ENTREP2: variants seen among roughly 807,000 people sequenced by gnomAD.
The protein encoded by ENTREP2 is protein ENTREP2.
chr15:29,586,717 C>G, the ENTREP2 span, among the ~76,000 whole-genome samples: 1 of 151,144 alleles, frequency 6.6e-6, no homozygotes, highest in African/African-American at 2.4e-5. Flanking sequence ...CCACTGCACT[C>G]CAGCCTGGGC....
the ENTREP2 span, among the ~76,000 whole-genome samples, chr15:29,500,161 T>C: frequency 1.3e-5 from 2 of 152,116 alleles, no homozygotes; most frequent in Non-Finnish European, 2.9e-5. Flanking sequence ...AGTTGGAGAA[T>C]TAAATACCTC....
the ENTREP2 span, chr15:29,128,885 C>A: frequency 6.5e-7 from 1 of 1,538,718 alleles, no homozygotes; most frequent in Middle Eastern, 1.7e-4. Flanking sequence ...AAACAGAAAG[C>A]GTCAAGGCGG....
chr15:29,446,751 C>G, the ENTREP2 span, among the ~76,000 whole-genome samples: 1 of 152,242 alleles, frequency 6.6e-6, no homozygotes, highest in Non-Finnish European at 1.5e-5. Context: ...TGTGGAGACT[C>G]TAGGGCTGAA....
chr15:29,479,194 G>C, the ENTREP2 span, among the ~76,000 whole-genome samples: 8 of 122,592 alleles, frequency 6.5e-5, no homozygotes, highest in African/African-American at 2.6e-4. Flanking sequence ...GTGACAGAGC[G>C]AGGCTCTGTC....
chr15:29,437,636 A>C, the ENTREP2 span, among the ~76,000 whole-genome samples: 1 of 152,166 alleles, frequency 6.6e-6, no homozygotes, highest in African/African-American at 2.4e-5. Flanking sequence ...TATTTGAAAC[A>C]GTGTCTCAGC....
At chr15:29,347,786 G>A in the ENTREP2 span, among the ~76,000 whole-genome samples, 1 of 152,162 alleles carries the variant, frequency 6.6e-6, no homozygotes, top group Non-Finnish European at 1.5e-5. Flanking sequence ...ACGCAGGCTC[G>A]CCAACACAGC....
At chr15:29,507,554 A>T in the ENTREP2 span, among the ~76,000 whole-genome samples, 66,104 of 151,830 alleles carry the variant, frequency 0.44, 14,910 homozygotes, top group African/African-American at 0.56. Context: ...CATAACGGTC[A>T]CTCAGACCAC....
the ENTREP2 span, among the ~76,000 whole-genome samples, chr15:29,348,137 T>C: frequency 6.6e-6 from 1 of 152,360 alleles, no homozygotes; most frequent in East Asian, 1.9e-4. Flanking sequence ...TTTTAAGTGC[T>C]GAATCCTGAA....
the ENTREP2 span, among the ~76,000 whole-genome samples, chr15:29,615,375 C>T: frequency 1.6e-4 from 24 of 152,004 alleles, no homozygotes; most frequent in Admixed American, 7.9e-4. Context: ...AGTCTGGTCT[C>T]GAACTCCTGA....
chr15:29,515,767 A>T, the ENTREP2 span, among the ~76,000 whole-genome samples: 1 of 152,350 alleles, frequency 6.6e-6, no homozygotes, highest in Admixed American at 6.5e-5. Flanking sequence ...CACTTTAATG[A>T]GCAGCCCAGG....
chr15:29,562,152 G>A, the ENTREP2 span, among the ~76,000 whole-genome samples: 1 of 152,210 alleles, frequency 6.6e-6, no homozygotes, highest in African/African-American at 2.4e-5. Context: ...TGTGGAAAAC[G>A]TGAAACAGAG....
At chr15:29,310,505 C>G in the ENTREP2 span, among the ~76,000 whole-genome samples, 63 of 152,250 alleles carry the variant, frequency 4.1e-4, no homozygotes, top group African/African-American at 1.5e-3. Context: ...GGGGGATCTC[C>G]CCACCCTGTC....
the ENTREP2 span, chr15:29,126,376 A>C: frequency 2.4e-4 from 363 of 1,544,580 alleles, 3 homozygotes; most frequent in South Asian, 4.1e-3. Context: ...ACACATGGCC[A>C]GGGGGAAGGG....
the ENTREP2 span, among the ~76,000 whole-genome samples, chr15:29,279,854 A>G: frequency 1.3e-5 from 2 of 152,020 alleles, no homozygotes; most frequent in African/African-American, 4.8e-5. Flanking sequence ...GTATCTTTCT[A>G]CCTGGAGGGA....
chr15:29,153,892 G>C, the ENTREP2 span, among the ~76,000 whole-genome samples: 1 of 152,126 alleles, frequency 6.6e-6, no homozygotes, highest in Non-Finnish European at 1.5e-5. Context: ...CTGCAGCCTC[G>C]ACCTTCTGGG....
the ENTREP2 span, among the ~76,000 whole-genome samples, chr15:29,564,278 G>C: frequency 3.3e-5 from 5 of 152,174 alleles, no homozygotes; most frequent in Non-Finnish European, 7.4e-5. Flanking sequence ...CTTTGCTCCA[G>C]CTCTAGAACT....
chr15:29,330,215 G>C, the ENTREP2 span, among the ~76,000 whole-genome samples: 1 of 151,672 alleles, frequency 6.6e-6, no homozygotes, highest in Non-Finnish European at 1.5e-5. Flanking sequence ...AAGGCAGGTG[G>C]ATCATGAGGT....
the ENTREP2 span, among the ~76,000 whole-genome samples, chr15:29,480,590 G>C: frequency 6.6e-6 from 1 of 152,096 alleles, no homozygotes; most frequent in South Asian, 2.1e-4. Flanking sequence ...CAGAGAGTTA[G>C]GCAGGGCATG....
At chr15:29,262,095 A>AAAG in the ENTREP2 span, among the ~76,000 whole-genome samples, 14 of 143,870 alleles carry the variant, frequency 9.7e-5, no homozygotes, top group African/African-American at 2.3e-4. Context: ...AAAAAAAAAA[A>AAAG]GGGCGAAGGC....
Sources: allele counts gnomAD v4.1 joint callset (sites outside exome capture counted in the v4.1 genomes callset), GRCh38; gene constraint gnomAD v4.1.1; transcripts MANE v1.5; gene names NCBI Gene and HGNC (gene_info 2026-07-23, HGNC 2026-07-21).